The following CAPSL variants were observed in gnomAD, a reference collection of about 807,000 sequenced individuals.
CAPSL encodes calcyphosin-like protein.
Under a neutral mutation model 21.3 loss-of-function variants are expected in CAPSL, and 17 were observed. The ratio of observed to expected loss-of-function variants is 0.80; its 90% CI spans 0.55 to 1.20. CAPSL has a LOEUF of 1.20. Among genes scored for constraint, CAPSL ranks in the 50% most tolerant of loss-of-function variants. CAPSL has a pLI of 0.00. For missense variants in CAPSL, 289 were observed against 259.3 expected, an observed-to-expected ratio of 1.11 and a Z score of -0.79; for synonymous variants, 102 against 89.3, an observed-to-expected ratio of 1.14 and a Z score of -0.80.
intron 2 of CAPSL, among the ~76,000 whole-genome samples, chr5:35,918,422 C>T (rs948612514): frequency 6.6e-6 from 1 of 152,040 alleles, no homozygotes; most frequent in Non-Finnish European, 1.5e-5. Flanking sequence ...ATTACGTGGA[C>T]ACAAGGAGGG....
At chr5:35,914,399 A>T (rs1344295197) in intron 2 of CAPSL, among the ~76,000 whole-genome samples, 1 of 152,214 alleles carries the variant, frequency 6.6e-6, no homozygotes, top group Non-Finnish European at 1.5e-5. Context: ...AAATCAACAG[A>T]ATATACATTC....
At chr5:35,926,668 T>A (rs958764767) in intron 1 of CAPSL, among the ~76,000 whole-genome samples, 2 of 152,114 alleles carry the variant, frequency 1.3e-5, no homozygotes, top group South Asian at 2.1e-4. Flanking sequence ...CTGAATTACA[T>A]CTCTCTTCCT....
intron 4 of CAPSL, among the ~76,000 whole-genome samples, chr5:35,907,684 T>C (rs1760710272): frequency 6.6e-6 from 1 of 152,180 alleles, no homozygotes; most frequent in Admixed American, 6.5e-5. Context: ...ACCTAGATTA[T>C]CAAGTTTGAA....
At chr5:35,928,609 G>T (rs575656445) in intron 1 of CAPSL, among the ~76,000 whole-genome samples, 1 of 152,200 alleles carries the variant, frequency 6.6e-6, no homozygotes, top group East Asian at 1.9e-4. Context: ...TTCTCAACTG[G>T]GTACAATCCC....
intron 1 of CAPSL, among the ~76,000 whole-genome samples, chr5:35,926,642 C>A (rs1033502877): frequency 1.3e-5 from 2 of 152,118 alleles, no homozygotes; most frequent in Non-Finnish European, 2.9e-5. Context: ...CTTTGGTGCT[C>A]CCTGGTGGCA....
chr5:35,927,498 T>C (rs1738716376), intron 1 of CAPSL, among the ~76,000 whole-genome samples: 1 of 152,194 alleles, frequency 6.6e-6, no homozygotes. Context: ...TGATGAGGCT[T>C]GTAGGGCATC....
intron 1 of CAPSL, among the ~76,000 whole-genome samples, chr5:35,928,226 G>C (rs1738732877): frequency 2.0e-5 from 3 of 152,220 alleles, no homozygotes; most frequent in African/African-American, 7.2e-5. Flanking sequence ...CAGGAGGGAT[G>C]AGTCCTTGTG....
At chr5:35,919,462 C>T (rs1287394578) in intron 2 of CAPSL, among the ~76,000 whole-genome samples, 1 of 152,120 alleles carries the variant, frequency 6.6e-6, no homozygotes, top group African/African-American at 2.4e-5. Context: ...ACAAAGTCAT[C>T]TTGATCTTGG....
chr5:35,917,800 G>C (rs1371486112), intron 2 of CAPSL, among the ~76,000 whole-genome samples: 1 of 152,086 alleles, frequency 6.6e-6, no homozygotes, highest in Non-Finnish European at 1.5e-5. Flanking sequence ...ACACCAACAT[G>C]GCACATGTAT....
Position 35,910,536 on chromosome 5 carries a change from T to C in CAPSL, c.145A>G (p.Arg49Gly). 6.3e-7 allele frequency: 1 copy of C among 1,599,188 alleles called. No individual in the cohort carries two copies. The highest frequency in any genetic ancestry group is 8.5e-7 in the Non-Finnish European group (1 of 1,169,714). The change falls in exon 3 of 5, where the codon AGA becomes GGA. Residue 49 changes from arginine (R) to glycine (G), a missense_variant. Arg to Gly is a moderately radical substitution (Grantham distance 125). Transcript: ENST00000651391. ...CGATTATTATCGTCATCCATAATTC[T>C]AAACACTCTGAAGAAAATACACACA... ...AGIKGLGRVF[R>G]IMDDDNNRTL...
At chr5:35,923,545 T>G (rs1282699195) in intron 1 of CAPSL, among the ~76,000 whole-genome samples, 5 of 152,184 alleles carry the variant, frequency 3.3e-5, no homozygotes, top group Non-Finnish European at 1.5e-5. Flanking sequence ...GGTATAGCCA[T>G]ACAGTGAAAC....
chr5:35,909,358 C>A (rs546741385), intron 4 of CAPSL, among the ~76,000 whole-genome samples: 58 of 152,188 alleles, frequency 3.8e-4, no homozygotes, highest in Non-Finnish European at 6.0e-4. Flanking sequence ...CAAAAACTAC[C>A]TTTAAATGGC....
intron 1 of CAPSL, among the ~76,000 whole-genome samples, chr5:35,932,758 C>T (rs775069621): frequency 3.9e-5 from 6 of 152,152 alleles, no homozygotes; most frequent in African/African-American, 1.4e-4. Context: ...ATGGAGCAAC[C>T]GGATCACTCT....
chr5:35,915,230 C>CAA (rs755120053), intron 2 of CAPSL, among the ~76,000 whole-genome samples: 4 of 152,130 alleles, frequency 2.6e-5, no homozygotes, highest in African/African-American at 9.7e-5. Flanking sequence ...AGCTTACCAA[C>CAA]CAAAAACAGT....
chr5:35,924,503 T>C (rs1179020291), intron 1 of CAPSL, among the ~76,000 whole-genome samples: 1 of 152,192 alleles, frequency 6.6e-6, no homozygotes, highest in Non-Finnish European at 1.5e-5. Flanking sequence ...CTCTTGAGGC[T>C]GACCCTACCC....
chr5:35,922,864 A>G (rs1274319000), intron 1 of CAPSL, among the ~76,000 whole-genome samples: 2 of 152,184 alleles, frequency 1.3e-5, no homozygotes, highest in African/African-American at 4.8e-5. Context: ...CCTGAGTCAC[A>G]GACAAGACCA....
chr5:35,913,319 C>T (rs1188608190), intron 2 of CAPSL, among the ~76,000 whole-genome samples: 1 of 152,156 alleles, frequency 6.6e-6, no homozygotes, highest in Non-Finnish European at 1.5e-5. Context: ...CCCAATCTAG[C>T]AAGGCAGGCC....
At chr5:35,915,853 T>C (rs930399615) in intron 2 of CAPSL, among the ~76,000 whole-genome samples, 3 of 152,210 alleles carry the variant, frequency 2.0e-5, no homozygotes, top group Admixed American at 6.5e-5. Context: ...GTGTTGGAAG[T>C]TGTGGCCAGA....
At chr5:35,917,890 C>G (rs556039381) in intron 2 of CAPSL, among the ~76,000 whole-genome samples, 2 of 151,844 alleles carry the variant, frequency 1.3e-5, no homozygotes, top group East Asian at 3.9e-4. Flanking sequence ...TAAAAAAAAG[C>G]TTATCGTCAT....
Sources: gnomAD v4.1 joint callset for allele counts (sites outside exome capture counted in the v4.1 genomes callset) on GRCh38, gnomAD v4.1.1 for gene constraint, MANE v1.5 for transcripts, NCBI Gene and HGNC (gene_info 2026-07-23, HGNC 2026-07-21) for gene names.